The following RPH3AL variants were observed in gnomAD, a reference collection of about 807,000 sequenced individuals.
The protein encoded by RPH3AL is rab effector Noc2.
In RPH3AL, 38 loss-of-function variants were observed where a neutral mutation model predicts 43.1. The ratio of observed to expected loss-of-function variants is 0.88; its 90% CI spans 0.68 to 1.15. RPH3AL has a LOEUF of 1.15. RPH3AL is among the 50% of genes most tolerant of loss of function. RPH3AL has a pLI of 0.00. For missense variants in RPH3AL, 462 were observed against 423.2 expected, an observed-to-expected ratio of 1.09 and a Z score of -0.81; for synonymous variants, 189 against 176.3, an observed-to-expected ratio of 1.07 and a Z score of -0.57.
intron 7 of RPH3AL, among the ~76,000 whole-genome samples, chr17:233,895 C>T (rs1159489291): frequency 6.4e-3 from 213 of 33,272 alleles, no homozygotes; most frequent in Non-Finnish European, 7.6e-3. Context: ...AACTTTCCCC[C>T]AAGCGGGGAG....
intron 1 of RPH3AL, among the ~76,000 whole-genome samples, chr17:346,778 T>G (rs905867823): frequency 7.4e-6 from 1 of 135,650 alleles, no homozygotes; most frequent in Non-Finnish European, 1.7e-5. Flanking sequence ...CAACAGACAC[T>G]TCACTGAAGA....
chr17:237,140 C>T (rs559551722), intron 7 of RPH3AL, among the ~76,000 whole-genome samples: 15 of 152,328 alleles, frequency 9.8e-5, no homozygotes, highest in African/African-American at 3.4e-4. Context: ...AGGGCGGCCC[C>T]GGCAAACATT....
chr17:301,381 G>C (rs1221558282), intron 5 of RPH3AL, among the ~76,000 whole-genome samples: 1 of 152,148 alleles, frequency 6.6e-6, no homozygotes, highest in Non-Finnish European at 1.5e-5. Context: ...ACGGCTCACT[G>C]TAGCTTTAAC....
intron 5 of RPH3AL, among the ~76,000 whole-genome samples, chr17:316,988 C>G (rs2044261021): frequency 1.3e-5 from 2 of 148,510 alleles, no homozygotes; most frequent in Non-Finnish European, 3.0e-5. Flanking sequence ...CCTGTAGTCC[C>G]TGTGACCCCA....
intron 3 of RPH3AL, among the ~76,000 whole-genome samples, chr17:325,970 G>A (rs755504879): frequency 6.6e-6 from 1 of 152,216 alleles, no homozygotes; most frequent in Non-Finnish European, 1.5e-5. Context: ...TCTTCCAAAG[G>A]GGCTACGACA....
intron 7 of RPH3AL, among the ~76,000 whole-genome samples, chr17:232,846 GTGTGTGTGTGTGTGTGTGTGT>G (rs571336577): frequency 0.23 from 15,982 of 68,346 alleles, 1,052 homozygotes; most frequent in Admixed American, 0.3. Flanking sequence ...GTGTGTGTGT[GTGTGTGTGTGTGTGTGTGTGT>G]GTGTGTGTGT....
chr17:236,165 A>C (rs2041389971), intron 7 of RPH3AL, among the ~76,000 whole-genome samples: 1 of 152,244 alleles, frequency 6.6e-6, no homozygotes, highest in African/African-American at 2.4e-5. Flanking sequence ...ACACAGTGCC[A>C]GCCCACAGTG....
At chr17:263,538 T>A (rs2042249989) in intron 6 of RPH3AL, among the ~76,000 whole-genome samples, 1 of 152,370 alleles carries the variant, frequency 6.6e-6, no homozygotes, top group Non-Finnish European at 1.5e-5. Context: ...TTTGATTTTT[T>A]AAAACCATAT....
At position 264,459 on chromosome 17, in the gene RPH3AL, C is replaced by A. The variant is rs1212383215; in HGVS notation, c.439-17174G>T. 7.0e-6 allele frequency among the ~76,000 whole-genome samples: 1 copy of A among 143,668 alleles called. No homozygotes were observed. The highest frequency in any genetic ancestry group is 1.5e-5 in the Non-Finnish European group (1 of 65,202). The allele number at this position is 143,668 out of a possible 152,430, so 94.3% of individuals were successfully genotyped here. Reference sequence around the variant, plus strand: ...GCATGTTGACAGCAGGATTACCCTTCGGAGCCGCGAGCGCTGGATGGGGAC... The same window carrying A: ...GCATGTTGACAGCAGGATTACCCTTAGGAGCCGCGAGCGCTGGATGGGGAC... On this transcript the variant is annotated intron_variant, in intron 6 of 9. Coordinates refer to ENST00000331302, the MANE Select transcript of RPH3AL (RefSeq NM_006987.4). This position sits in a 1 kb window ranked among gnomAD's most constrained non-coding sequence, Gnocchi z 4.8.
intron 8 of RPH3AL, among the ~76,000 whole-genome samples, chr17:216,683 G>A (rs1336593560): frequency 6.6e-6 from 1 of 152,138 alleles, no homozygotes; most frequent in African/African-American, 2.4e-5. Flanking sequence ...ATTTTCTCTA[G>A]AATCTTCAGC....
At chr17:297,044 C>T (rs373185134) in intron 5 of RPH3AL, among the ~76,000 whole-genome samples, 28 of 152,278 alleles carry the variant, frequency 1.8e-4, no homozygotes, top group Admixed American at 1.2e-3. Flanking sequence ...CACCCCTCTG[C>T]GGAGAGTTCC....
intron 5 of RPH3AL, among the ~76,000 whole-genome samples, 194 bp from the exon 6 acceptor site, chr17:282,048 C>A (rs1034588852): frequency 6.6e-6 from 1 of 152,154 alleles, no homozygotes; most frequent in African/African-American, 2.4e-5. Flanking sequence ...TAATGGATGG[C>A]CCCATCCACG....
chr17:293,279 G>C (rs924530847), intron 5 of RPH3AL, among the ~76,000 whole-genome samples: 4 of 152,216 alleles, frequency 2.6e-5, no homozygotes, highest in South Asian at 2.1e-4. Flanking sequence ...TTACCACTGC[G>C]TCCCGAGTGG....
At chr17:307,320 AGGTCCTCCCCACG>A (rs1567634070) in intron 5 of RPH3AL, among the ~76,000 whole-genome samples, 4 of 136,474 alleles carry the variant, frequency 2.9e-5, no homozygotes, top group African/African-American at 5.7e-5. Flanking sequence ...TCCCCACGGC[AGGTCCTCCCCACG>A]GCAGGTCCTC....
At chr17:331,787 T>C (rs1420552613) in intron 2 of RPH3AL, 7 of 1,288,976 alleles carry the variant, frequency 5.4e-6, no homozygotes, top group African/African-American at 1.5e-5. Flanking sequence ...GTCTGACCCT[T>C]CTCTCTTAAA....
chr17:282,478 C>G (rs1009067298), intron 5 of RPH3AL, among the ~76,000 whole-genome samples: 5 of 152,146 alleles, frequency 3.3e-5, no homozygotes, highest in Non-Finnish European at 5.9e-5. Flanking sequence ...TTATCATGTT[C>G]TCTGGACGCA....
intron 7 of RPH3AL, among the ~76,000 whole-genome samples, chr17:229,494 T>C (rs2151512479): frequency 6.6e-6 from 1 of 152,200 alleles, no homozygotes; most frequent in Admixed American, 6.5e-5. Context: ...CACCTCCATG[T>C]CCCCCAAAGA....
chr17:324,737 C>G (rs1430036191), intron 3 of RPH3AL, among the ~76,000 whole-genome samples: 1 of 127,240 alleles, frequency 7.9e-6, no homozygotes, highest in Non-Finnish European at 1.7e-5. Context: ...CTATCTATGT[C>G]TATTTTGAGA....
chr17:310,655 C>G (rs535254002), intron 5 of RPH3AL, among the ~76,000 whole-genome samples: 27 of 152,316 alleles, frequency 1.8e-4, no homozygotes, highest in African/African-American at 5.5e-4. Context: ...TCCAGCCCCC[C>G]AGGGCTGCCG....
Sources: allele counts gnomAD v4.1 joint callset (sites outside exome capture counted in the v4.1 genomes callset), GRCh38; gene constraint gnomAD v4.1.1; non-coding constraint Gnocchi (gnomAD v3.1); transcripts MANE v1.5; gene names NCBI Gene and HGNC (gene_info 2026-07-23, HGNC 2026-07-21).